SEC31A: variants seen among roughly 807,000 people sequenced by gnomAD.
The protein encoded by SEC31A is SEC31 homolog A, COPII component.
Under a neutral mutation model 151.0 loss-of-function variants are expected in SEC31A, and 70 were observed. The observed-to-expected ratio is 0.46, with a 90% CI of 0.38 to 0.57. The LOEUF is 0.57. Ranked by LOEUF, SEC31A falls within the 20% of genes least tolerant of loss-of-function variation. SEC31A has a pLI of 0.00. For missense variants in SEC31A, 1,330 were observed against 1,471.2 expected (o/e 0.90, Z 1.57); for synonymous variants, 475 against 505.9 (o/e 0.94, Z 0.82).
intron 19 of SEC31A, among the ~76,000 whole-genome samples, chr4:82,851,219 C>T (rs368092775): frequency 3.9e-5 from 6 of 152,166 alleles, no homozygotes; most frequent in African/African-American, 1.2e-4. Context: ...AGGAATCTAT[C>T]GCACTGCAAG....
chr4:82,855,499 A>G (rs1036806522), intron 16 of SEC31A, among the ~76,000 whole-genome samples: 2 of 152,204 alleles, frequency 1.3e-5, no homozygotes, highest in African/African-American at 4.8e-5. Context: ...AACCGAGGAG[A>G]GACTGAGATG....
At chr4:82,893,991 T>G (rs1719951340), upstream of SEC31A, 1 of 152,104 alleles carries the variant, frequency 6.6e-6, no homozygotes, top group African/African-American at 2.4e-5. Context: ...GGATGCCTAG[T>G]GATTTCCCAT....
chr4:82,820,133 G>GTT (rs34724288), intron 26 of SEC31A, among the ~76,000 whole-genome samples: 1,191 of 113,758 alleles, frequency 0.01, 24 homozygotes, highest in African/African-American at 0.027. Flanking sequence ...TGTATCTTCT[G>GTT]TTTTTTTTTT....
upstream of SEC31A, chr4:82,900,544 A>G (rs1720275119): frequency 1.3e-5 from 7 of 528,552 alleles, no homozygotes; most frequent in Non-Finnish European, 2.3e-5. Flanking sequence ...TCCGCCTCCA[A>G]CGCGGAGGGA....
Position 82,848,941 on chromosome 4 carries a change from C to T in SEC31A, c.2365G>A (p.Ala789Thr), listed in dbSNP as rs868858614. The change falls in exon 20 of 27, where the codon GCA becomes ACA. Residue 789 changes from alanine to threonine, a missense_variant. By Grantham distance (58) the Ala-to-Thr change is moderately conservative. Coordinates refer to ENST00000395310, the MANE Select transcript of SEC31A (RefSeq NM_001077207.4). ...IMQLRDRLCR[A>T]QGEPVAGHES... ...TGTCCTGCTACAGGCTCTCCTTGTG[C>T]TCTACAAAGTCTGTCACGAAGCTGC... The T allele has an allele frequency of 6.2e-7, 1 of 1,613,932 alleles. No homozygotes were observed. The highest frequency in any genetic ancestry group is 8.5e-7 in the Non-Finnish European group (1 of 1,179,948).
intron 18 of SEC31A, among the ~76,000 whole-genome samples, chr4:82,853,061 T>C (rs1347777488): frequency 6.6e-6 from 1 of 152,220 alleles, no homozygotes; most frequent in African/African-American, 2.4e-5. Context: ...TGCTCACCTC[T>C]TGCTGTGAGT....
At position 82,874,769 on chromosome 4, in the gene SEC31A, T is replaced by G; in HGVS notation, c.499-18A>C. ...TCTGGCGGCTACAAGGAAGAAACAG[T>G]TAATAAAAACTGCTTGTTTCTCTAT... On this transcript the variant is annotated intron_variant, in intron 5 of 26. Coordinates refer to ENST00000395310, the MANE Select transcript of SEC31A (RefSeq NM_001077207.4). 1 of 1,589,120 alleles carries G rather than the reference T, an allele frequency of 6.3e-7. No individual in the cohort carries two copies. The highest frequency in any genetic ancestry group is 8.5e-7 in the Non-Finnish European group (1 of 1,174,148).
intron 22 of SEC31A, among the ~76,000 whole-genome samples, chr4:82,829,879 A>C (rs1578132280): frequency 6.6e-6 from 1 of 152,230 alleles, no homozygotes; most frequent in Admixed American, 6.5e-5. Context: ...AACATGCTGG[A>C]AATAAGAATA....
At chr4:82,819,852 C>A (rs1423301373) in intron 26 of SEC31A, among the ~76,000 whole-genome samples, 1 of 151,900 alleles carries the variant, frequency 6.6e-6, no homozygotes, top group Non-Finnish European at 1.5e-5. Context: ...ACCTCCGCCT[C>A]CCGGGTTCAA....
chr4:82,899,730 G>A (rs1048623217), exon 3 of SEC31A: 1 of 152,628 alleles, frequency 6.6e-6, no homozygotes, highest in African/African-American at 2.4e-5. Flanking sequence ...TGTATCTTCG[G>A]CTGTAATCTG....
chr4:82,849,096 AT>A, intron 19 of SEC31A, 119 bp from the exon 20 acceptor site: 1 of 873,842 alleles, frequency 1.1e-6, no homozygotes, highest in Non-Finnish European at 1.8e-6. Flanking sequence ...AATGCTGGGT[AT>A]TATACAATAG....
intron 7 of SEC31A, among the ~76,000 whole-genome samples, 169 bp from the exon 8 acceptor site, chr4:82,870,593 G>C (rs1261405002): frequency 2.6e-5 from 4 of 152,176 alleles, no homozygotes; most frequent in Non-Finnish European, 5.9e-5. Flanking sequence ...AACTACTCAG[G>C]AGGCTGAGGT....
chr4:82,852,005 CTTGAA>C (rs1440879442), intron 18 of SEC31A, among the ~76,000 whole-genome samples: 1 of 152,202 alleles, frequency 6.6e-6, no homozygotes, highest in East Asian at 1.9e-4. Flanking sequence ...CAAATCTCAT[CTTGAA>C]TTCTAGCTCC....
intron 3 of SEC31A, among the ~76,000 whole-genome samples, chr4:82,899,065 G>C (rs908342895): frequency 1.3e-5 from 2 of 152,184 alleles, no homozygotes; most frequent in African/African-American, 4.8e-5. Context: ...CTATAAGATG[G>C]ATGAACTCTG....
upstream of SEC31A, chr4:82,891,187 C>T (rs1266898254): frequency 6.5e-7 from 1 of 1,534,078 alleles, no homozygotes; most frequent in Non-Finnish European, 8.7e-7. Flanking sequence ...AGGGCCACCT[C>T]CACGTTCCGT....
At chr4:82,877,207 G>C (rs571983154) in intron 4 of SEC31A, among the ~76,000 whole-genome samples, 1 of 151,940 alleles carries the variant, frequency 6.6e-6, no homozygotes, top group Non-Finnish European at 1.5e-5. Flanking sequence ...CCTGGCAGAG[G>C]GAGCAAGACG....
rs1391903099 is a variant in SEC31A, at chr4:82,837,186, TATATATATATATA to T, written c.2968+4941_2968+4953del. Among the ~76,000 whole-genome samples, 119 of 53,466 alleles carry T rather than the reference TATATATATATATA, an allele frequency of 2.2e-3. 3 individuals are homozygous for T. Among genetic ancestry groups the T allele is most frequent in the East Asian group, 6.7e-3 (18 of 2,698 alleles). The allele number at this position is 53,466 out of a possible 152,430, so 35.1% of individuals were successfully genotyped here. A position where few individuals can be genotyped will look rare whatever the true frequency, so the allele number is the denominator to read the frequency against. On this transcript the variant is annotated intron_variant, in intron 22 of 26. Transcript: ENST00000395310. ...ATATATATATATATATATATATATA[TATATATATATATA>T]ATTTCACCACAATAAAAACTTTAAT...
chr4:82,862,917 C>G (rs1734512469), intron 12 of SEC31A, among the ~76,000 whole-genome samples: 1 of 152,168 alleles, frequency 6.6e-6, no homozygotes, highest in Non-Finnish European at 1.5e-5. Context: ...AAGGAGTGAG[C>G]AAAGACATAG....
chr4:82,870,021 C>T (rs1736295524), intron 8 of SEC31A, among the ~76,000 whole-genome samples: 1 of 152,110 alleles, frequency 6.6e-6, no homozygotes, highest in Non-Finnish European at 1.5e-5. Context: ...ATACTGATTC[C>T]CATAAACCAC....
Sources: allele counts gnomAD v4.1 joint callset (sites outside exome capture counted in the v4.1 genomes callset), GRCh38; gene constraint gnomAD v4.1.1; transcripts MANE v1.5; gene names NCBI Gene and HGNC (gene_info 2026-07-23, HGNC 2026-07-21).